KIAA0825: variants seen among roughly 807,000 people sequenced by gnomAD.
KIAA0825 encodes the protein uncharacterized protein KIAA0825.
KIAA0825 carries 119 observed loss-of-function variants against 147.6 expected under a neutral mutation model. That is an observed-to-expected ratio of 0.81 (90% confidence interval 0.69 to 0.94). KIAA0825 has a LOEUF of 0.94. Among genes scored for constraint, KIAA0825 ranks in the 40% least tolerant of loss-of-function variants. The pLI is 0.00. For missense variants in KIAA0825, 1,381 were observed against 1,472.7 expected (o/e 0.94, Z 1.02); for synonymous variants, 470 against 518.1 (o/e 0.91, Z 1.26).
intron 20 of KIAA0825, among the ~76,000 whole-genome samples, chr5:94,300,522 G>C (rs865877638): frequency 1.3e-5 from 2 of 151,838 alleles, no homozygotes; most frequent in Non-Finnish European, 2.9e-5. Context: ...TATTTTTAAA[G>C]GTAATGAACA....
At chr5:94,438,969 A>C (rs1204763074) in intron 14 of KIAA0825, among the ~76,000 whole-genome samples, 3 of 152,186 alleles carry the variant, frequency 2.0e-5, no homozygotes, top group Non-Finnish European at 4.4e-5. Flanking sequence ...CAGAGCATTC[A>C]AAGCTCCGAA....
intron 5 of KIAA0825, among the ~76,000 whole-genome samples, chr5:94,506,818 G>A (rs774456450): frequency 9.2e-5 from 14 of 152,068 alleles, no homozygotes; most frequent in Non-Finnish European, 2.1e-4. Context: ...GGCAGTTCTG[G>A]TCTAGTTTCT....
In KIAA0825 at chr5:94,386,268, A is replaced by G; in HGVS notation, c.3593T>C (p.Phe1198Ser). ...TACCTGATCTAGCATGTTTTCACTA[A>G]ACGCCTTATACACATGGAAAGGGTT... ...AFNPFHVYKA[F>S]SENMLDQVSI... Residue 1198 changes from phenylalanine to serine, a missense_variant, in exon 19 of 21, where the codon TTT becomes TCT. Transcript: ENST00000682413. 6.5e-7 allele frequency: 1 copy of G among 1,549,908 alleles called. No individual in the cohort carries two copies. The highest frequency in any genetic ancestry group is 1.2e-5 in the South Asian group (1 of 83,762).
At chr5:94,332,557 T>G (rs931329071) in intron 20 of KIAA0825, among the ~76,000 whole-genome samples, 4 of 152,204 alleles carry the variant, frequency 2.6e-5, no homozygotes, top group Non-Finnish European at 5.9e-5. Flanking sequence ...CATTAACTCA[T>G]TCCTTTTTAT....
intron 20 of KIAA0825, among the ~76,000 whole-genome samples, chr5:94,359,584 T>G (rs1348344300): frequency 6.6e-6 from 1 of 152,066 alleles, no homozygotes; most frequent in African/African-American, 2.4e-5. Flanking sequence ...TAGTGAGACC[T>G]CCATCTCTTA....
chr5:94,226,116 TG>T (rs1774139906), intron 20 of KIAA0825, among the ~76,000 whole-genome samples: 1 of 152,214 alleles, frequency 6.6e-6, no homozygotes, highest in Non-Finnish European at 1.5e-5. Context: ...TCTACCCATC[TG>T]ACAAAGGGCT....
chr5:94,464,810 T>G, intron 11 of KIAA0825, 59 bp downstream of exon 11: 1 of 1,443,988 alleles, frequency 6.9e-7, no homozygotes, highest in Non-Finnish European at 9.3e-7. Flanking sequence ...AGAATTCTGC[T>G]TTATACCAAC....
In KIAA0825 at chr5:94,491,934, A is replaced by G. The variant is rs148820916; in HGVS notation, c.971-7004T>C. Among the ~76,000 whole-genome samples the G allele has an allele frequency of 5.8e-3, 890 of 152,366 alleles. 49 individuals carry two copies. Among genetic ancestry groups the G allele is most frequent in the Admixed American group, 0.054 (826 of 15,302 alleles). ...AAATGTAACCCAACACAAGCTGAAT[A>G]TGTGAAAATTCAGATAACCCACAGA... On this transcript the variant is annotated intron_variant, in intron 5 of 20. Transcript: ENST00000682413.
intron 14 of KIAA0825, among the ~76,000 whole-genome samples, chr5:94,431,274 T>TTTCTCA (rs1370153405): frequency 6.6e-6 from 1 of 152,200 alleles, no homozygotes; most frequent in South Asian, 2.1e-4. Flanking sequence ...TAGTACCCCA[T>TTTCTCA]TTAGAAATGA....
At chr5:94,568,075 C>T in intron 2 of KIAA0825, 1 of 164,680 alleles carries the variant, frequency 6.1e-6, no homozygotes, top group Non-Finnish European at 1.3e-5. Context: ...TCATGGTAGT[C>T]ACAATCGGCA....
At chr5:94,436,636 G>GT (rs1318087803) in intron 14 of KIAA0825, among the ~76,000 whole-genome samples, 3 of 152,054 alleles carry the variant, frequency 2.0e-5, no homozygotes, top group Non-Finnish European at 4.4e-5. Context: ...AATTAAAATA[G>GT]TTTTTTTCTA....
At chr5:94,166,474 A>C (rs1415208871) in intron 20 of KIAA0825, among the ~76,000 whole-genome samples, 1 of 148,656 alleles carries the variant, frequency 6.7e-6, no homozygotes, top group Non-Finnish European at 1.5e-5. Flanking sequence ...GGGTAGCCTT[A>C]GGAAATAATT....
At chr5:94,582,280 T>A (rs1561349765) in intron 2 of KIAA0825, among the ~76,000 whole-genome samples, 153 bp downstream of exon 2, 1 of 152,082 alleles carries the variant, frequency 6.6e-6, no homozygotes, top group Non-Finnish European at 1.5e-5. Context: ...AGGTAAATCA[T>A]AAAGCCGACA....
intron 20 of KIAA0825, among the ~76,000 whole-genome samples, chr5:94,306,963 TA>T (rs899636337): frequency 6.6e-6 from 1 of 151,818 alleles, no homozygotes; most frequent in Non-Finnish European, 1.5e-5. Flanking sequence ...ACATGATGCG[TA>T]GGGCTTAGGT....
chr5:94,592,526 T>C (rs996882865), intron 1 of KIAA0825, among the ~76,000 whole-genome samples: 2 of 152,136 alleles, frequency 1.3e-5, no homozygotes, highest in Non-Finnish European at 1.5e-5. Flanking sequence ...ACCAAGACAG[T>C]TGCATTCCAT....
intron 20 of KIAA0825, among the ~76,000 whole-genome samples, chr5:94,380,698 T>C (rs1474786451): frequency 1.3e-5 from 2 of 152,224 alleles, no homozygotes; most frequent in Non-Finnish European, 2.9e-5. Flanking sequence ...ATGGACAAGA[T>C]GGCACCAGCC....
chr5:94,373,508 G>A (rs1052253050), intron 20 of KIAA0825, among the ~76,000 whole-genome samples: 2 of 152,206 alleles, frequency 1.3e-5, no homozygotes, highest in African/African-American at 4.8e-5. Flanking sequence ...TACAATCTTG[G>A]TGGAAGGGGA....
intron 5 of KIAA0825, chr5:94,519,899 A>T: frequency 3.1e-6 from 2 of 643,298 alleles, no homozygotes; most frequent in African/African-American, 2.0e-5. Context: ...AAACAGATAA[A>T]GGAGCTTATA....
Position 94,403,749 on chromosome 5 carries a change from T to C in KIAA0825, c.2707A>G (p.Arg903Gly). The C allele has an allele frequency of 1.3e-6, 2 of 1,551,546 alleles. No individual in the cohort carries two copies. Among genetic ancestry groups the C allele is most frequent in the Non-Finnish European group, 1.7e-6 (2 of 1,146,886 alleles). The change falls in exon 16 of 21, where the codon AGA (arginine) becomes GGA (glycine). Residue 903 changes from arginine to glycine, a missense_variant. Arg to Gly is a moderately radical substitution (Grantham distance 125). Coordinates refer to ENST00000682413, the MANE Select transcript of KIAA0825 (RefSeq NM_001145678.3). ...EYELEVIRCL[R>G]LALTDAIKDT... ...TTGATGGCATCGGTCAGTGCCAGTCTCAAGCATCGGATGACCTCTAGCTCG... is the reference window on the plus strand; with the variant it reads ...TTGATGGCATCGGTCAGTGCCAGTCCCAAGCATCGGATGACCTCTAGCTCG...
Sources: allele counts gnomAD v4.1 joint callset (sites outside exome capture counted in the v4.1 genomes callset), GRCh38; gene constraint gnomAD v4.1.1; transcripts MANE v1.5; gene names NCBI Gene and HGNC (gene_info 2026-07-23, HGNC 2026-07-21).